The following PCDHGA9 variants were observed in gnomAD, a reference collection of about 807,000 sequenced individuals.
PCDHGA9 encodes protocadherin gamma subfamily A, 9.
Under a neutral mutation model 62.5 loss-of-function variants are expected in PCDHGA9, and 37 were observed. The observed-to-expected ratio is 0.59, with a 90% CI of 0.46 to 0.78. The LOEUF (loss-of-function observed/expected upper bound fraction) is 0.78. Ranked by LOEUF, PCDHGA9 falls within the 30% of genes least tolerant of loss-of-function variation. The pLI is 0.00. For missense variants in PCDHGA9, 1,138 were observed against 1,166.2 expected, an observed-to-expected ratio of 0.98 and a Z score of 0.35; for synonymous variants, 459 against 484.6, an observed-to-expected ratio of 0.95 and a Z score of 0.69.
intron 1 of PCDHGA9, chr5:141,441,674 CT>C: frequency 3.4e-6 from 1 of 293,692 alleles, no homozygotes; most frequent in Non-Finnish European, 6.7e-6. Flanking sequence ...CACAGTGCGC[CT>C]TCGACCAAGA....
chr5:141,477,438 C>G lies in PCDHGA9; in HGVS notation c.2425-17369C>G. 6.2e-7 allele frequency: 1 copy of G among 1,614,174 alleles called. No homozygotes were observed. Among genetic ancestry groups the G allele is most frequent in the Non-Finnish European group, 8.5e-7 (1 of 1,180,030 alleles). On this transcript the variant is annotated intron_variant, in intron 1 of 3. Coordinates refer to ENST00000573521, the MANE Select transcript of PCDHGA9 (RefSeq NM_018921.3). The surrounding 1 kb of genome is among the most constrained non-coding windows in gnomAD (Gnocchi z 4.9). ...GGAACCCCTTCCCTCTCAGCCCTTACAATAGTGCGTGTTCAAGTGTCCGAC... is the reference window on the plus strand; with the variant it reads ...GGAACCCCTTCCCTCTCAGCCCTTAGAATAGTGCGTGTTCAAGTGTCCGAC...
rs2233612 is a variant in PCDHGA9 at position 141,511,014 on chromosome 5, A to G, written c.2640A>G (p.Gly880=). 8.6e-4 allele frequency: 1,386 copies of G among 1,614,082 alleles called. 14 individuals are homozygous for G. The African/African-American group carries it at 0.017, about 20-fold the overall frequency. The change falls in exon 4 of 4, where the codon GGA becomes GGG. Residue 880 remains glycine, a synonymous_variant. Coordinates refer to ENST00000573521, the MANE Select transcript of PCDHGA9 (RefSeq NM_018921.3). ...AGTMGLSARY[G]PQFTLQHVPD... ...CCATGGGATTGAGCGCCCGCTACGG[A>G]CCCCAGTTCACCCTGCAGCACGTGC...
In PCDHGA9 at chr5:141,493,211, G is replaced by C. The variant is rs1312763933; in HGVS notation, c.2425-1596G>C. Reference sequence around the variant, plus strand: ...CTCCTTTGAGAACCTCATCTCATTTGCTCTTCCCACCATTGCTGTTGGCTA... The same window carrying C: ...CTCCTTTGAGAACCTCATCTCATTTCCTCTTCCCACCATTGCTGTTGGCTA... On this transcript the variant is annotated intron_variant, in intron 1 of 3. Transcript: ENST00000573521. The surrounding 1 kb of genome is among the most constrained non-coding windows in gnomAD (Gnocchi z 4.3). 6.6e-6 allele frequency among the ~76,000 whole-genome samples: 1 copy of C among 152,180 alleles called. No individual in the cohort carries two copies. The highest frequency in any genetic ancestry group is 2.4e-5 in the African/African-American group (1 of 41,436).
At chr5:141,482,570 C>A (rs2099568543) in intron 1 of PCDHGA9, among the ~76,000 whole-genome samples, 1 of 144,954 alleles carries the variant, frequency 6.9e-6, no homozygotes, top group African/African-American at 2.6e-5. Context: ...ATCTGCATAG[C>A]ATAAGATGCA....
rs201386958 is a variant in PCDHGA9 at position 141,413,172 on chromosome 5, T to G, written c.2424+7796T>G. 2.6e-4 allele frequency: 413 copies of G among 1,598,292 alleles called. 3 individuals carry two copies. In the East Asian group the frequency reaches 7.0e-3, roughly 27 times the overall value. ...ACTTTGCAGAATTCTGTAACCAGACTACAATGGCCGCTCAAAGGAATCGCT... is the reference window on the plus strand; with the variant it reads ...ACTTTGCAGAATTCTGTAACCAGACGACAATGGCCGCTCAAAGGAATCGCT... On this transcript the variant is annotated intron_variant, in intron 1 of 3. Coordinates refer to ENST00000573521, the MANE Select transcript of PCDHGA9 (RefSeq NM_018921.3).
chr5:141,438,998 C>A (rs932958148), intron 1 of PCDHGA9, among the ~76,000 whole-genome samples: 7 of 151,836 alleles, frequency 4.6e-5, no homozygotes, highest in Non-Finnish European at 1.0e-4. Flanking sequence ...GGCTAAGGAC[C>A]TGGTTTGTTT....
At chr5:141,488,011 T>C (rs1424799954) in intron 1 of PCDHGA9, among the ~76,000 whole-genome samples, 1 of 152,182 alleles carries the variant, frequency 6.6e-6, no homozygotes, top group Non-Finnish European at 1.5e-5. Context: ...GATTCTGAAG[T>C]ACCTTAACTC....
At chr5:141,427,972 C>T (rs1368719718) in intron 1 of PCDHGA9, 1 of 1,593,948 alleles carries the variant, frequency 6.3e-7, no homozygotes, top group South Asian at 1.1e-5. Flanking sequence ...GTGCTGTACC[C>T]CGCGCTGGGG....
Position 141,476,477 on chromosome 5 carries a change from G to C in PCDHGA9, c.2425-18330G>C. ...GGAGAACCCGCTGGAGCTGTTCAGCGTGGAAGTGGTGATCCAGGACATCAA... is the reference window on the plus strand; with the variant it reads ...GGAGAACCCGCTGGAGCTGTTCAGCCTGGAAGTGGTGATCCAGGACATCAA... On this transcript the variant is annotated intron_variant, in intron 1 of 3. Coordinates refer to ENST00000573521, the MANE Select transcript of PCDHGA9 (RefSeq NM_018921.3). The surrounding 1 kb of genome is among the most constrained non-coding windows in gnomAD (Gnocchi z 7.6). The C allele has an allele frequency of 5.0e-6, 8 of 1,614,078 alleles. No homozygotes were observed. Among genetic ancestry groups the C allele is most frequent in the Non-Finnish European group, 6.8e-6 (8 of 1,180,018 alleles).
At chr5:141,438,548 C>T (rs1423036586) in intron 1 of PCDHGA9, among the ~76,000 whole-genome samples, 2 of 135,792 alleles carry the variant, frequency 1.5e-5, no homozygotes, top group Non-Finnish European at 3.1e-5. Context: ...ATATCTAAGC[C>T]CTAATAAGAG....
chr5:141,478,326 C>T, intron 1 of PCDHGA9: 1 of 1,613,950 alleles, frequency 6.2e-7, no homozygotes, highest in Admixed American at 1.7e-5. Flanking sequence ...CTGTACCGAA[C>T]ACCAGGGCCC....
chr5:141,409,102 G>T, intron 1 of PCDHGA9: 2 of 1,613,996 alleles, frequency 1.2e-6, no homozygotes, highest in Non-Finnish European at 8.5e-7. Flanking sequence ...AAACAGGTAT[G>T]ATTAAGAATA....
Position 141,486,695 on chromosome 5 carries a change from A to T in PCDHGA9, c.2425-8112A>T. On this transcript the variant is annotated intron_variant, in intron 1 of 3. Coordinates refer to ENST00000573521, the MANE Select transcript of PCDHGA9 (RefSeq NM_018921.3). The surrounding 1 kb of genome is among the most constrained non-coding windows in gnomAD (Gnocchi z 5.0). ...TCGAGATGTATCAGCTTCCTCTTTC[A>T]TCTCTCTGAACCCCCAGACAGGAGC... The T allele has an allele frequency of 6.2e-7, 1 of 1,613,912 alleles. No homozygotes were observed. The highest frequency in any genetic ancestry group is 8.5e-7 in the Non-Finnish European group (1 of 1,179,980).
rs1167812243 is a variant in PCDHGA9, at chr5:141,414,179, C to T, written c.2424+8803C>T. ...GATGGAGGAGCATATCTTGCAACTG[C>T]AAAAGTGTTGATTACAGTAGAAGAT... On this transcript the variant is annotated intron_variant, in intron 1 of 3. Transcript: ENST00000573521. 3 of 1,608,128 alleles carry T rather than the reference C, an allele frequency of 1.9e-6. No individual in the cohort carries two copies. In the South Asian group the frequency reaches 3.3e-5, roughly 18 times the overall value.
At position 141,486,609 on chromosome 5, in the gene PCDHGA9, C is replaced by T; in HGVS notation, c.2425-8198C>T. The T allele has an allele frequency of 6.2e-7, 1 of 1,613,568 alleles. No homozygotes were observed. ...GGGGACCTGCTTTGCTCCCTTGCAG[C>T]CTCTGACCCAGACTCTGGCTTGAAT... On this transcript the variant is annotated intron_variant, in intron 1 of 3. Transcript: ENST00000573521. The surrounding 1 kb of genome is among the most constrained non-coding windows in gnomAD (Gnocchi z 5.0).
Position 141,485,597 on chromosome 5 carries a change from A to G in PCDHGA9, c.2425-9210A>G. On this transcript the variant is annotated intron_variant, in intron 1 of 3. Coordinates refer to ENST00000573521, the MANE Select transcript of PCDHGA9 (RefSeq NM_018921.3). This position sits in a 1 kb window ranked among gnomAD's most constrained non-coding sequence, Gnocchi z 5.7. ...TCCGCGGCAGCAGCTGGACTTGGAA[A>G]TTGGGGAGGCAGCTCCTCCAGGACA... The G allele has an allele frequency of 6.2e-7, 1 of 1,612,468 alleles. No homozygotes were observed. The highest frequency in any genetic ancestry group is 8.5e-7 in the Non-Finnish European group (1 of 1,178,718).
In PCDHGA9 at chr5:141,403,596, C is replaced by T; in HGVS notation, c.644C>T (p.Ser215Leu). Residue 215 changes from serine (S) to leucine (L), a missense_variant, in exon 1 of 4, where the codon TCG becomes TTG. Ser to Leu is a moderately radical substitution (Grantham distance 145). Transcript: ENST00000573521. ...GCCCACCACCTGGTCCTCACGGCCT[C>T]GGATGGCGGCGAGCCGCGTCGCTCC... ...ATAHHLVLTA[S>L]DGGEPRRSST... The T allele has an allele frequency of 6.2e-7, 1 of 1,613,768 alleles. No individual in the cohort carries two copies. The highest frequency in any genetic ancestry group is 8.5e-7 in the Non-Finnish European group (1 of 1,179,892).
intron 1 of PCDHGA9, chr5:141,413,467 G>T: frequency 6.2e-7 from 1 of 1,614,136 alleles, no homozygotes; most frequent in Non-Finnish European, 8.5e-7. Context: ...AGACCGGGAG[G>T]AGCTCTGCGC....
chr5:141,403,809 A>C lies in PCDHGA9; in HGVS notation c.857A>C (p.Glu286Ala), dbSNP rs1242181843. The change falls in exon 1 of 4, where the codon GAA becomes GCA. Residue 286 changes from glutamate to alanine, a missense_variant. Glu to Ala is a moderately radical substitution (Grantham distance 107). Coordinates refer to ENST00000573521, the MANE Select transcript of PCDHGA9 (RefSeq NM_018921.3). ...KVAYKFWKIN[E>A]KQSLLFQLNE... ...GCATACAAATTCTGGAAAATTAATG[A>C]AAAACAATCTCTGCTATTCCAGCTT... The C allele has an allele frequency of 6.2e-7, 1 of 1,613,904 alleles. No homozygotes were observed. Among genetic ancestry groups the C allele is most frequent in the South Asian group, 1.1e-5 (1 of 91,088 alleles).
Sources: gnomAD v4.1 joint callset for allele counts (sites outside exome capture counted in the v4.1 genomes callset) on GRCh38, gnomAD v4.1.1 for gene constraint, Gnocchi (gnomAD v3.1) non-coding constraint, MANE v1.5 for transcripts, NCBI Gene and HGNC (gene_info 2026-07-23, HGNC 2026-07-21) for gene names.